Variants in KIF5A observed in about 807,000 individuals in gnomAD.
The protein encoded by KIF5A is kinesin family member 5A, also known as kinesin heavy chain isoform 5A.
KIF5A carries 35 observed loss-of-function variants against 141.3 expected under a neutral mutation model. The ratio of observed to expected loss-of-function variants is 0.25; its 90% CI spans 0.19 to 0.33. The LOEUF is 0.33. Ranked by LOEUF, KIF5A falls within the 10% of genes least tolerant of loss-of-function variation. The pLI is 1.00. For missense variants in KIF5A, 861 were observed against 1,314.3 expected (o/e 0.66, Z 5.33); for synonymous variants, 448 against 500.2 (o/e 0.90, Z 1.39).
At chr12:57,570,395 T>C (rs1446628697) in intron 12 of KIF5A, among the ~76,000 whole-genome samples, 1 of 152,194 alleles carries the variant, frequency 6.6e-6, no homozygotes, top group Non-Finnish European at 1.5e-5. Context: ...TGAGTTATAC[T>C]GTATAAGTAA....
intron 15 of KIF5A, among the ~76,000 whole-genome samples, chr12:57,574,875 C>T (rs1882372490): frequency 6.6e-6 from 1 of 152,036 alleles, no homozygotes; most frequent in Non-Finnish European, 1.5e-5. Flanking sequence ...TGAGCTACTG[C>T]GCCCAGCCAG....
chr12:57,564,535 G>C, intron 5 of KIF5A, 27 bp downstream of exon 5: 1 of 1,557,094 alleles, frequency 6.4e-7, no homozygotes, highest in Non-Finnish European at 8.9e-7. Flanking sequence ...AGTGGATGAG[G>C]GTGTGTGAGG....
Position 57,563,545 on chromosome 12 carries a change from G to C in KIF5A, c.217+19G>C, listed in dbSNP as rs1881974808. On this transcript the variant is annotated intron_variant, in intron 2 of 28. Transcript: ENST00000455537. ...GTCAAAGGTAATAGATTTCTTTTTAGAATGTCTCTTCTCAGCACCCCATTT... is the reference window on the plus strand; with the variant it reads ...GTCAAAGGTAATAGATTTCTTTTTACAATGTCTCTTCTCAGCACCCCATTT... 3 of 1,610,256 alleles carry C rather than the reference G, an allele frequency of 1.9e-6. No homozygotes were observed. Among genetic ancestry groups the C allele is most frequent in the Non-Finnish European group, 2.5e-6 (3 of 1,176,586 alleles).
intron 11 of KIF5A, 76 bp downstream of exon 11, chr12:57,569,759 G>C: frequency 2.5e-6 from 4 of 1,584,970 alleles, no homozygotes; most frequent in Non-Finnish European, 3.4e-6. Context: ...CTGTTTGGGT[G>C]GTGTTTCTGG....
intron 23 of KIF5A, among the ~76,000 whole-genome samples, chr12:57,579,425 T>TA (rs957463593): frequency 4.6e-5 from 7 of 152,196 alleles, no homozygotes; most frequent in Admixed American, 3.9e-4. Context: ...CATTTAAACT[T>TA]ACATTCTCAC....
chr12:57,556,842 T>A (rs1408495888), intron 1 of KIF5A, among the ~76,000 whole-genome samples: 3 of 152,124 alleles, frequency 2.0e-5, no homozygotes, highest in Non-Finnish European at 4.4e-5. Context: ...TCTGCCTGTT[T>A]TATATTCTGG....
intron 12 of KIF5A, among the ~76,000 whole-genome samples, chr12:57,570,481 C>T (rs905518729): frequency 6.6e-6 from 1 of 152,220 alleles, no homozygotes; most frequent in African/African-American, 2.4e-5. Flanking sequence ...TCACTGCAAC[C>T]TCTGCCTCTC....
chr12:57,555,908 CAAAAAAAAAAAAAA>C (rs763843453), intron 1 of KIF5A, among the ~76,000 whole-genome samples: 1 of 92,316 alleles, frequency 1.1e-5, no homozygotes, highest in African/African-American at 4.2e-5. Flanking sequence ...AACTCTATCT[CAAAAAAAAAAAAAA>C]AAGAAAAAGA....
Position 57,564,946 on chromosome 12 carries a change from G to A in KIF5A, c.474G>A (p.Glu158=). The A allele has an allele frequency of 6.2e-7, 1 of 1,614,218 alleles. No individual in the cohort carries two copies. Among genetic ancestry groups the A allele is most frequent in the Non-Finnish European group, 8.5e-7 (1 of 1,180,026 alleles). The change falls in exon 6 of 29, where the codon GAG becomes GAA. Residue 158 remains glutamate, a synonymous_variant. Coordinates refer to ENST00000455537, the MANE Select transcript of KIF5A (RefSeq NM_004984.4). ...DVTKTNLSVH[E]DKNRVPFVKG... ...CCAAGACAAATCTGTCCGTGCACGA[G>A]GACAAGAACCGGGTGCCATTTGTCA...
At chr12:57,562,410 T>C (rs2140158073) in intron 1 of KIF5A, among the ~76,000 whole-genome samples, 1 of 152,320 alleles carries the variant, frequency 6.6e-6, no homozygotes, top group Middle Eastern at 3.4e-3. Context: ...GAGATGGGGT[T>C]TCAGCATGTT....
chr12:57,556,988 C>G (rs746729393), intron 1 of KIF5A, among the ~76,000 whole-genome samples: 17 of 152,248 alleles, frequency 1.1e-4, no homozygotes, highest in Non-Finnish European at 2.2e-4. Context: ...TTGCATCATT[C>G]AGTCCAGTCA....
Position 57,572,518 on chromosome 12 carries a change from G to A in KIF5A, c.1570-62G>A, listed in dbSNP as rs914725429. The A allele has an allele frequency of 5.0e-6, 8 of 1,609,740 alleles. No individual in the cohort carries two copies. Among genetic ancestry groups the A allele is most frequent in the African/African-American group, 1.3e-5 (1 of 74,870 alleles). On this transcript the variant is annotated intron_variant, in intron 14 of 28. Coordinates refer to ENST00000455537, the MANE Select transcript of KIF5A (RefSeq NM_004984.4). This position sits in a 1 kb window ranked among gnomAD's most constrained non-coding sequence, Gnocchi z 4.2. ...GTCTTGCATGAAGGGAGAGGCCTCT[G>A]CCTGGGCTGGGCAAGGGAGCAGGAG...
Position 57,568,955 on chromosome 12 carries a change from C to G in KIF5A, c.715-8C>G. The stretch of plus-strand genomic sequence containing the variant: ...CTCATACACACTCATCTCTTACTGC[C>G]CTGGTAGGTCAGCAAGACTGGAGCA... On this transcript the variant is annotated splice_region_variant and splice_polypyrimidine_tract_variant and intron_variant, in intron 8 of 28. Transcript: ENST00000455537. The G allele has an allele frequency of 1.2e-6, 2 of 1,608,180 alleles. No homozygotes were observed. Among genetic ancestry groups the G allele is most frequent in the Non-Finnish European group, 1.7e-6 (2 of 1,175,108 alleles).
rs777526920 is a variant in KIF5A at position 57,572,277 on chromosome 12, G to A, written c.1569+10G>A. Reference sequence around the variant, plus strand: ...GCTGTCTCAGAAGGTGGTAAGTGGTGTGCCAATGGTCCAACAGCTCCCTGA... The same window carrying A: ...GCTGTCTCAGAAGGTGGTAAGTGGTATGCCAATGGTCCAACAGCTCCCTGA... On this transcript the variant is annotated intron_variant, in intron 14 of 28. Transcript: ENST00000455537. This position sits in a 1 kb window ranked among gnomAD's most constrained non-coding sequence, Gnocchi z 4.2. 2 of 1,573,796 alleles carry A rather than the reference G, an allele frequency of 1.3e-6. No homozygotes were observed. Among genetic ancestry groups the A allele is most frequent in the East Asian group, 2.4e-5 (1 of 42,428 alleles).
chr12:57,553,142 A>G (rs1218690033), intron 1 of KIF5A, among the ~76,000 whole-genome samples: 1 of 152,016 alleles, frequency 6.6e-6, no homozygotes. Context: ...AGACCCATTT[A>G]AGTGTCTGTC....
Position 57,577,738 on chromosome 12 carries a change from T to C in KIF5A, c.2326T>C (p.Ser776Pro). 1 of 1,614,044 alleles carries C rather than the reference T, an allele frequency of 6.2e-7. No individual in the cohort carries two copies. Among genetic ancestry groups the C allele is most frequent in the Non-Finnish European group, 8.5e-7 (1 of 1,179,942 alleles). ...ATTTCTGTACGAGCGACATGAGCAGTCCAAGCAGGACCTCAAGGGTCTGGA... is the reference window on the plus strand; with the variant it reads ...ATTTCTGTACGAGCGACATGAGCAGCCCAAGCAGGACCTCAAGGGTCTGGA... ...LTFLYERHEQ[S>P]KQDLKGLEET... Residue 776 changes from serine to proline, a missense_variant, in exon 21 of 29, where the codon TCC (serine) becomes CCC (proline). Physicochemically the swap from Ser to Pro is moderately conservative, Grantham distance 74. This residue lies in a region of KIF5A where 482 missense variants were observed against 661.3 expected (regional missense o/e 0.73). Transcript: ENST00000455537.
Position 57,550,514 on chromosome 12 carries a change from C to G in KIF5A, c.129+114C>G. The G allele has an allele frequency of 9.0e-7, 1 of 1,107,496 alleles. No individual in the cohort carries two copies. Among genetic ancestry groups the G allele is most frequent in the Non-Finnish European group, 1.3e-6 (1 of 760,798 alleles). The allele number at this position is 1,107,496 out of a possible 1,614,324, so 68.6% of individuals were successfully genotyped here. On this transcript the variant is annotated intron_variant, in intron 1 of 28. Coordinates refer to ENST00000455537, the MANE Select transcript of KIF5A (RefSeq NM_004984.4). This position sits in a 1 kb window ranked among gnomAD's most constrained non-coding sequence, Gnocchi z 4.6. ...TTGCTCCCCCTCCCCGCCGCTCATC[C>G]TTCATCCTCTTCCCCGCAGCCCCTC...
intron 27 of KIF5A, chr12:57,582,865 T>C: frequency 1.6e-6 from 1 of 638,654 alleles, no homozygotes; most frequent in Non-Finnish European, 2.8e-6. Flanking sequence ...TGATAAGGTC[T>C]GGACGAAAAC....
intron 20 of KIF5A, among the ~76,000 whole-genome samples, chr12:57,577,349 C>T (rs1297580287): frequency 6.6e-6 from 1 of 152,166 alleles, no homozygotes; most frequent in East Asian, 1.9e-4. Flanking sequence ...AATCTCAGCA[C>T]TTTGGGAGGC....
Sources: gnomAD v4.1 joint callset for allele counts (sites outside exome capture counted in the v4.1 genomes callset) on GRCh38, gnomAD v4.1.1 for gene constraint, gnomAD v4.1.1 regional missense constraint, Gnocchi (gnomAD v3.1) non-coding constraint, MANE v1.5 for transcripts, NCBI Gene and HGNC (gene_info 2026-07-23, HGNC 2026-07-21) for gene names.